HERC4: variants seen among roughly 807,000 people sequenced by gnomAD.
HERC4 encodes probable E3 ubiquitin-protein ligase HERC4.
In HERC4, 28 loss-of-function variants were observed where a neutral mutation model predicts 124.3. The observed-to-expected ratio is 0.23, with a 90% confidence interval of 0.17 to 0.31. HERC4 has a LOEUF of 0.31. Ranked by LOEUF, HERC4 falls within the 10% of genes least tolerant of loss-of-function variation. The pLI, the probability that HERC4 is intolerant of heterozygous loss-of-function variation, is 1.00. For missense variants in HERC4, 713 were observed against 1,229.3 expected (o/e 0.58, Z 6.28); for synonymous variants, 407 against 421.5 (o/e 0.97, Z 0.42).
At chr10:68,059,808 TATAATATTATATATC>T (rs2040867043) in intron 3 of HERC4, among the ~76,000 whole-genome samples, 1 of 69,440 alleles carries the variant, frequency 1.4e-5, no homozygotes, top group South Asian at 4.1e-4. Flanking sequence ...TATTATATAT[TATAATATTATATATC>T]ATAATATTAT....
At chr10:68,013,858 C>A (rs566613425) in intron 9 of HERC4, among the ~76,000 whole-genome samples, 168 bp downstream of exon 9, 1 of 152,294 alleles carries the variant, frequency 6.6e-6, no homozygotes, top group Admixed American at 6.5e-5. Context: ...TATGCATTTA[C>A]AAGTAAATAT....
In HERC4 at chr10:68,069,765, G is replaced by A. The variant is rs143003395; in HGVS notation, c.226+3118C>T. On this transcript the variant is annotated intron_variant, in intron 3 of 24. Coordinates refer to ENST00000373700, the MANE Select transcript of HERC4 (RefSeq NM_015601.4). ...GTTTAAAGTTCTTGTGAAGTCAGCT[G>A]GGCACGGTGGCTCACGCCTGTAATC... 5.3e-4 allele frequency: 519 copies of A among 985,434 alleles called. 2 individuals carry two copies. The African/African-American group carries it at 8.5e-3, about 16-fold the overall frequency. The allele number at this position is 985,434 out of a possible 1,614,324, so 61.0% of individuals were successfully genotyped here.
chr10:67,992,064 A>T, intron 11 of HERC4, 135 bp downstream of exon 11: 1 of 705,010 alleles, frequency 1.4e-6, no homozygotes, highest in Non-Finnish European at 2.3e-6. Flanking sequence ...ACGCCCAGCT[A>T]ATTGTATTTT....
At chr10:67,985,100 A>G (rs918662895) in intron 15 of HERC4, among the ~76,000 whole-genome samples, 3 of 152,246 alleles carry the variant, frequency 2.0e-5, no homozygotes, top group Non-Finnish European at 2.9e-5. Flanking sequence ...TCAATCAGCC[A>G]TCATTTTCTC....
chr10:67,978,904 C>T (rs1320360127), intron 15 of HERC4, among the ~76,000 whole-genome samples: 1 of 152,196 alleles, frequency 6.6e-6, no homozygotes, highest in African/African-American at 2.4e-5. Flanking sequence ...GCCAGAACCA[C>T]AGCACTACTG....
Position 67,941,952 on chromosome 10 carries a change from G to A in HERC4, c.2338-847C>T, listed in dbSNP as rs1259708800. Among the ~76,000 whole-genome samples the A allele has an allele frequency of 2.0e-5, 3 of 151,942 alleles. No homozygotes were observed. The East Asian group carries it at 5.8e-4, about 29-fold the overall frequency. ...ATTACAGGCGTGAGCCACCGTGCCT[G>A]GCCAAAACATGACTTTTTAATGGCT... On this transcript the variant is annotated intron_variant, in intron 19 of 24. Transcript: ENST00000373700.
At chr10:67,972,529 G>GAAAAAAAA (rs58031306) in intron 15 of HERC4, among the ~76,000 whole-genome samples, 1 of 58,396 alleles carries the variant, frequency 1.7e-5, no homozygotes, top group Non-Finnish European at 3.1e-5. Context: ...CAAAAAAGAG[G>GAAAAAAAA]AAAAAAAAAA....
In HERC4 at chr10:68,003,327, A is replaced by AT. The variant is rs1564533956; in HGVS notation, c.1070-10646_1070-10645insA. Among the ~76,000 whole-genome samples the AT allele has an allele frequency of 5.4e-3, 480 of 88,154 alleles. 3 individuals carry two copies. The highest frequency in any genetic ancestry group is 0.018 in the African/African-American group (458 of 26,164). The allele number at this position is 88,154 out of a possible 152,430, so 57.8% of individuals were successfully genotyped here. ...CAGGCGCCTGCCACCATGCCTGACT[A>AT]ATTTTTTTTTTTTTTTTTTGTATTT... On this transcript the variant is annotated intron_variant, in intron 9 of 24. Transcript: ENST00000373700.
chr10:67,983,927 C>T (rs919667641), intron 15 of HERC4, among the ~76,000 whole-genome samples: 2 of 151,974 alleles, frequency 1.3e-5, no homozygotes, highest in Admixed American at 1.3e-4. Flanking sequence ...TGTGCCACTG[C>T]ACTCCAGCCC....
At chr10:68,036,631 A>C (rs535517164) in intron 5 of HERC4, among the ~76,000 whole-genome samples, 12 of 152,212 alleles carry the variant, frequency 7.9e-5, no homozygotes, top group Non-Finnish European at 1.6e-4. Flanking sequence ...CCACTCCCTC[A>C]CAACACCCAC....
intron 3 of HERC4, 30 bp downstream of exon 3, chr10:68,072,853 A>C (rs768820749): frequency 1.4e-6 from 2 of 1,448,040 alleles, no homozygotes; most frequent in South Asian, 1.3e-5. Context: ...ATTATTAAAA[A>C]TAGCAAATTT....
In HERC4 at chr10:68,026,639, C is replaced by T. The variant is rs188270158; in HGVS notation, c.778-963G>A. Among the ~76,000 whole-genome samples, 16 of 151,926 alleles carry T rather than the reference C, an allele frequency of 1.1e-4. No individual in the cohort carries two copies. In the East Asian group the frequency reaches 2.2e-3, roughly 20 times the overall value. ...CAGGTGGATCACGAGGTCAGGAGAT[C>T]GAGACCATCCTGGCTAAAAAGGTGA... On this transcript the variant is annotated intron_variant, in intron 7 of 24. Coordinates refer to ENST00000373700, the MANE Select transcript of HERC4 (RefSeq NM_015601.4).
At chr10:68,053,129 T>C (rs1332797453) in intron 3 of HERC4, among the ~76,000 whole-genome samples, 1 of 152,214 alleles carries the variant, frequency 6.6e-6, no homozygotes, top group Non-Finnish European at 1.5e-5. Context: ...AGTTATGTCC[T>C]ATAAAATCAC....
At chr10:68,061,265 A>C in intron 3 of HERC4, among the ~76,000 whole-genome samples, 1 of 152,088 alleles carries the variant, frequency 6.6e-6, no homozygotes, top group East Asian at 1.9e-4. Context: ...AGTCAAACAC[A>C]GTAATTAAGA....
chr10:68,008,419 T>C (rs769968282), intron 9 of HERC4, among the ~76,000 whole-genome samples: 14 of 152,182 alleles, frequency 9.2e-5, no homozygotes, highest in Non-Finnish European at 2.1e-4. Flanking sequence ...AAATTTTTTG[T>C]TGTTTTTATA....
At chr10:67,941,195 GAAGA>G (rs1220013832) in intron 19 of HERC4, 90 bp from the exon 20 acceptor site, 5 of 863,220 alleles carry the variant, frequency 5.8e-6, no homozygotes, top group Non-Finnish European at 8.3e-6. Context: ...ATACAATTTT[GAAGA>G]TAGAGAAAAA....
chr10:68,031,735 A>T (rs1381775570), intron 7 of HERC4, among the ~76,000 whole-genome samples: 1 of 152,206 alleles, frequency 6.6e-6, no homozygotes, highest in African/African-American at 2.4e-5. Flanking sequence ...GTAGAATTTT[A>T]AAGCCTGATT....
chr10:68,000,798 ACAGCAAAC>A (rs1232401370), intron 9 of HERC4, among the ~76,000 whole-genome samples: 3 of 152,160 alleles, frequency 2.0e-5, no homozygotes, highest in African/African-American at 7.2e-5. Context: ...CCAAAGATTG[ACAGCAAAC>A]CACCAGAAAC....
chr10:68,044,943 T>C (rs1262972960), intron 3 of HERC4, among the ~76,000 whole-genome samples: 1 of 152,146 alleles, frequency 6.6e-6, no homozygotes, highest in Non-Finnish European at 1.5e-5. Flanking sequence ...ATCATTTAAA[T>C]AACCTGGGCT....
Sources: gnomAD v4.1 joint callset for allele counts (sites outside exome capture counted in the v4.1 genomes callset) on GRCh38, gnomAD v4.1.1 for gene constraint, MANE v1.5 for transcripts, NCBI Gene and HGNC (gene_info 2026-07-23, HGNC 2026-07-21) for gene names.